The following TBCA variants were observed in gnomAD, a reference collection of about 807,000 sequenced individuals.
TBCA encodes tubulin-specific chaperone A.
TBCA carries 6 observed loss-of-function variants against 15.8 expected under a neutral mutation model. The observed-to-expected ratio is 0.38, with a 90% CI of 0.21 to 0.75. The LOEUF is 0.75. TBCA is among the 30% of genes least tolerant of loss of function. The pLI is 0.46. For synonymous variants in TBCA, 32 were observed against 42.3 expected, an observed-to-expected ratio of 0.76 and a Z score of 0.94; for missense variants, 90 against 131.2, an observed-to-expected ratio of 0.69 and a Z score of 1.53.
At chr5:77,745,559 G>A (rs745367353) in intron 1 of TBCA, among the ~76,000 whole-genome samples, 1 of 152,164 alleles carries the variant, frequency 6.6e-6, no homozygotes, top group Non-Finnish European at 1.5e-5. Flanking sequence ...GGAATGTTAA[G>A]CTAGGGTGTA....
chr5:77,774,396 G>C (rs1747975944), intron 1 of TBCA, among the ~76,000 whole-genome samples: 1 of 152,136 alleles, frequency 6.6e-6, no homozygotes, highest in Admixed American at 6.6e-5. Flanking sequence ...TTTTAAGTCT[G>C]ATAAGAAACA....
intron 1 of TBCA, among the ~76,000 whole-genome samples, chr5:77,717,293 CAGA>C (rs1175086438): frequency 6.6e-6 from 1 of 152,200 alleles, no homozygotes; most frequent in African/African-American, 2.4e-5. Context: ...TCACTAACAG[CAGA>C]AGATTGTTCT....
chr5:77,764,908 CTTTG>C (rs1479972749), intron 1 of TBCA, among the ~76,000 whole-genome samples: 1 of 151,978 alleles, frequency 6.6e-6, no homozygotes, highest in Non-Finnish European at 1.5e-5. Context: ...ACCCAAGGAG[CTTTG>C]TTTATGTGAA....
chr5:77,722,321 T>A (rs1253600398), intron 1 of TBCA, among the ~76,000 whole-genome samples: 1 of 152,088 alleles, frequency 6.6e-6, no homozygotes, highest in Non-Finnish European at 1.5e-5. Flanking sequence ...ATCTGTCCTT[T>A]AATTGATCAT....
chr5:77,721,810 T>A (rs1387112098), intron 1 of TBCA, among the ~76,000 whole-genome samples: 1 of 152,064 alleles, frequency 6.6e-6, no homozygotes, highest in African/African-American at 2.4e-5. Flanking sequence ...AAAAAGTCTA[T>A]TCTGTATCAA....
At chr5:77,769,548 C>A (rs975285662) in intron 1 of TBCA, among the ~76,000 whole-genome samples, 1 of 151,990 alleles carries the variant, frequency 6.6e-6, no homozygotes, top group Non-Finnish European at 1.5e-5. Context: ...ATTTTACATA[C>A]CTTTTATGTT....
intron 1 of TBCA, among the ~76,000 whole-genome samples, chr5:77,726,484 A>G (rs1216913094): frequency 6.6e-6 from 1 of 152,346 alleles, no homozygotes; most frequent in East Asian, 1.9e-4. Context: ...TACTTAACAC[A>G]TGCTTCAGAG....
intron 1 of TBCA, among the ~76,000 whole-genome samples, chr5:77,769,106 T>C (rs1021807454): frequency 2.0e-5 from 3 of 152,224 alleles, no homozygotes; most frequent in African/African-American, 4.8e-5. Context: ...TTGCCTGCTA[T>C]ATTGCTCCTA....
chr5:77,759,260 C>T (rs1747549490), intron 1 of TBCA, among the ~76,000 whole-genome samples: 1 of 152,020 alleles, frequency 6.6e-6, no homozygotes, highest in African/African-American at 2.4e-5. Context: ...GAGTTATTAT[C>T]CGTAGAAAGG....
intron 1 of TBCA, among the ~76,000 whole-genome samples, chr5:77,760,562 A>G (rs944474300): frequency 2.6e-5 from 4 of 152,048 alleles, no homozygotes; most frequent in Non-Finnish European, 4.4e-5. Flanking sequence ...GCCTAGGATT[A>G]CAGGCACGCG....
chr5:77,697,619 G>T (rs2112423339), intron 2 of TBCA, among the ~76,000 whole-genome samples: 1 of 152,168 alleles, frequency 6.6e-6, no homozygotes, highest in East Asian at 1.9e-4. Context: ...AGCAGTGTCT[G>T]TTGGGAAATT....
chr5:77,698,771 G>A (rs1417426961), intron 2 of TBCA, among the ~76,000 whole-genome samples: 1 of 152,076 alleles, frequency 6.6e-6, no homozygotes. Flanking sequence ...ATTCAGCAAT[G>A]TATACAAATA....
intron 1 of TBCA, among the ~76,000 whole-genome samples, chr5:77,730,729 A>T (rs1746748530): frequency 6.6e-6 from 1 of 152,114 alleles, no homozygotes; most frequent in Non-Finnish European, 1.5e-5. Context: ...CCACCTACCC[A>T]TCCATCCATC....
At chr5:77,717,761 G>T (rs964809911) in intron 1 of TBCA, among the ~76,000 whole-genome samples, 1 of 151,788 alleles carries the variant, frequency 6.6e-6, no homozygotes, top group Non-Finnish European at 1.5e-5. Context: ...GAAACCAAGA[G>T]GCAGAGGTTG....
At chr5:77,751,597 G>C (rs960438248) in intron 1 of TBCA, among the ~76,000 whole-genome samples, 3 of 152,078 alleles carry the variant, frequency 2.0e-5, no homozygotes, top group Non-Finnish European at 4.4e-5. Flanking sequence ...CCCCAGAGGA[G>C]ATGTGGCCAG....
chr5:77,694,483 G>A (rs1362608466), intron 2 of TBCA, among the ~76,000 whole-genome samples: 2 of 152,102 alleles, frequency 1.3e-5, no homozygotes, highest in African/African-American at 2.4e-5. Flanking sequence ...ATCAATGACA[G>A]GGAAACCCAA....
In TBCA at chr5:77,765,798, C is replaced by T. The variant is rs188051948; in HGVS notation, c.53+10407G>A. On this transcript the variant is annotated intron_variant, in intron 1 of 3. Transcript: ENST00000380377. ...CTACTCTTTGAGAAGTTCTGCCTTA[C>T]GCTAACCATTACATATGTGTTCTAG... Among the ~76,000 whole-genome samples the T allele has an allele frequency of 4.0e-5, 6 of 150,422 alleles. No individual in the cohort carries two copies. The East Asian group carries it at 9.8e-4, about 25-fold the overall frequency.
chr5:77,731,114 A>G (rs939988542), intron 1 of TBCA, among the ~76,000 whole-genome samples: 2 of 152,198 alleles, frequency 1.3e-5, no homozygotes, highest in Admixed American at 6.5e-5. Context: ...ATATATACTG[A>G]CAAGTGGCCT....
At chr5:77,708,979 TGTC>T (rs1161860915) in intron 1 of TBCA, among the ~76,000 whole-genome samples, 5 of 135,114 alleles carry the variant, frequency 3.7e-5, no homozygotes, top group African/African-American at 1.4e-4. Context: ...TTAATACAAC[TGTC>T]TTTTTTTTTT....
Sources: gnomAD v4.1 joint callset for allele counts (sites outside exome capture counted in the v4.1 genomes callset) on GRCh38, gnomAD v4.1.1 for gene constraint, MANE v1.5 for transcripts, NCBI Gene and HGNC (gene_info 2026-07-23, HGNC 2026-07-21) for gene names.